The following AGPAT2 variants were observed in gnomAD, a reference collection of about 807,000 sequenced individuals.
AGPAT2 encodes the protein 1-acyl-sn-glycerol-3-phosphate acyltransferase beta.
Under a neutral mutation model 26.1 loss-of-function variants are expected in AGPAT2, and 18 were observed. The ratio of observed to expected loss-of-function variants is 0.69; its 90% CI spans 0.48 to 1.02. The LOEUF (loss-of-function observed/expected upper bound fraction) is 1.02. Among genes scored for constraint, AGPAT2 ranks in the 50% least tolerant of loss-of-function variants. The pLI is 0.00. For missense variants in AGPAT2, 415 were observed against 394.9 expected (o/e 1.05, Z -0.43); for synonymous variants, 200 against 174.2 (o/e 1.15, Z -1.16).
At chr9:136,677,648 G>A (rs565625031) in intron 1 of AGPAT2, 92 bp from the exon 2 acceptor site, 11 of 1,506,630 alleles carry the variant, frequency 7.3e-6, no homozygotes, top group African/African-American at 6.9e-5. Context: ...GGAGGAGGCT[G>A]GGGAGGGGCC....
Position 136,673,530 on chromosome 9 carries a change from G to A in AGPAT2, c.*222C>T. The stretch of plus-strand genomic sequence containing the variant: ...AGAGGTGCCGTGGGCGCGAGTCCCT[G>A]CCCTCGAGCCCGGGGAGGGTCCAGC... On this transcript the variant is annotated 3_prime_UTR_variant, in exon 6 of 6. Transcript: ENST00000371696. 3 of 441,470 alleles carry A rather than the reference G, an allele frequency of 6.8e-6. No homozygotes were observed. Among genetic ancestry groups the A allele is most frequent in the South Asian group, 6.3e-5 (1 of 15,896 alleles). 27.3% of individuals were successfully genotyped at this position (441,470 alleles called of 1,614,324 possible). A position where few individuals can be genotyped will look rare whatever the true frequency, so the allele number is the denominator to read the frequency against.
rs532590133 is a variant in AGPAT2, at chr9:136,677,701, G to A, written c.183-145C>T. The A allele has an allele frequency of 4.5e-5, 45 of 992,758 alleles. No individual in the cohort carries two copies. The South Asian group carries it at 5.3e-4, about 12-fold the overall frequency. 61.5% of individuals were successfully genotyped at this position (992,758 alleles called of 1,614,324 possible). A position where few individuals can be genotyped will look rare whatever the true frequency, so the allele number is the denominator to read the frequency against. On this transcript the variant is annotated intron_variant, in intron 1 of 5. Transcript: ENST00000371696. ...GAGACCGGGAGACACAGGGGAGGGA[G>A]CCCCTGAAGCGGACAGAGTCCCGGG...
intron 1 of AGPAT2, among the ~76,000 whole-genome samples, chr9:136,681,495 C>T (rs1319999131): frequency 6.6e-6 from 1 of 152,238 alleles, no homozygotes; most frequent in Non-Finnish European, 1.5e-5. Flanking sequence ...GTGGGAAAGT[C>T]TAGACTCACT....
rs1480049326 is a variant in AGPAT2 at position 136,687,181 on chromosome 9, G to A, written c.177C>T (p.Asn59=). Residue 59 remains asparagine, a synonymous_variant, in exon 1 of 6, where the codon AAC becomes AAT. Coordinates refer to ENST00000371696, the MANE Select transcript of AGPAT2 (RefSeq NM_006412.4). The part of the protein sequence containing the change: ...LLRHGGRTVE[N]MSIIGWFVRS... ...CCGGCGGCCCCCGGCCTTGCCTCAT[G>A]TTCTCCACCGTCCGGCCGCCGTGGC... The A allele has an allele frequency of 6.3e-7, 1 of 1,589,056 alleles. No individual in the cohort carries two copies. Among genetic ancestry groups the A allele is most frequent in the Admixed American group, 1.7e-5 (1 of 58,624 alleles).
At chr9:136,683,818 A>G (rs778770195) in intron 1 of AGPAT2, among the ~76,000 whole-genome samples, 11 of 152,184 alleles carry the variant, frequency 7.2e-5, no homozygotes, top group Non-Finnish European at 1.3e-4. Context: ...CTAAGACCCC[A>G]GTGCTGTGGT....
chr9:136,682,027 C>T (rs1235488083), intron 1 of AGPAT2, among the ~76,000 whole-genome samples: 1 of 152,172 alleles, frequency 6.6e-6, no homozygotes, highest in Non-Finnish European at 1.5e-5. Flanking sequence ...GATCATAACC[C>T]CCCTCTTCAG....
At position 136,673,916 on chromosome 9, in the gene AGPAT2, C is replaced by G; in HGVS notation, c.673G>C (p.Val225Leu). 1 of 1,578,932 alleles carries G rather than the reference C, an allele frequency of 6.3e-7. No individual in the cohort carries two copies. The highest frequency in any genetic ancestry group is 8.6e-7 in the Non-Finnish European group (1 of 1,162,012). ...KKFFTSGTVTVQVLEAIPTSG... is the reference protein window; with the variant it reads ...KKFFTSGTVTLQVLEAIPTSG... Reference sequence around the variant, plus strand: ...GTGGGGATGGCTTCCAGCACCTGCACTGTGACTGTTCCTGTGGGGGAAGCA... The same window carrying G: ...GTGGGGATGGCTTCCAGCACCTGCAGTGTGACTGTTCCTGTGGGGGAAGCA... Residue 225 changes from valine to leucine, a missense_variant, in exon 6 of 6, where the codon GTG becomes CTG. Coordinates refer to ENST00000371696, the MANE Select transcript of AGPAT2 (RefSeq NM_006412.4).
chr9:136,673,968 TG>T, intron 5 of AGPAT2, 41 bp from the exon 6 acceptor site: 8 of 1,457,200 alleles, frequency 5.5e-6, no homozygotes, highest in Non-Finnish European at 7.3e-6. Context: ...TGTGGGGAGC[TG>T]GGGCCCACCT....
intron 4 of AGPAT2, among the ~76,000 whole-genome samples, chr9:136,675,948 C>T (rs1846084990): frequency 6.6e-6 from 1 of 152,170 alleles, no homozygotes; most frequent in Admixed American, 6.5e-5. Context: ...GAGACCCCTG[C>T]CCTGAGCGAG....
intron 4 of AGPAT2, 42 bp downstream of exon 4, chr9:136,676,543 C>T (rs41314461): frequency 0.019 from 29,044 of 1,553,066 alleles, 343 homozygotes; most frequent in Non-Finnish European, 0.023. Flanking sequence ...GACCCCGCCT[C>T]CCCAGCCTGC....
At position 136,684,820 on chromosome 9, in the gene AGPAT2, C is replaced by T. The variant is rs142713598; in HGVS notation, c.182+2356G>A. Among the ~76,000 whole-genome samples, 1,440 of 152,316 alleles carry T rather than the reference C, an allele frequency of 9.5e-3. 28 individuals are homozygous for T. The highest frequency in any genetic ancestry group is 0.033 in the African/African-American group (1,383 of 41,566). On this transcript the variant is annotated intron_variant, in intron 1 of 5. Transcript: ENST00000371696. ...GTCCTTATTTGTAACACAGAGCACA[C>T]GCGAATCCCTGTTCCTGAGGCTGGA...
intron 5 of AGPAT2, 86 bp downstream of exon 5, chr9:136,674,649 G>GGAAATGGGAAC: frequency 9.1e-7 from 1 of 1,093,608 alleles, no homozygotes; most frequent in Non-Finnish European, 1.2e-6. Context: ...GGTGCCACCC[G>GGAAATGGGAAC]GAAATGGGAA....
chr9:136,676,417 G>C (rs567396443), intron 4 of AGPAT2, among the ~76,000 whole-genome samples, 168 bp downstream of exon 4: 3 of 152,222 alleles, frequency 2.0e-5, no homozygotes, highest in Non-Finnish European at 4.4e-5. Context: ...TGGTCGGTCA[G>C]GGGGCAAGTG....
rs1422666929 is a variant in AGPAT2, at chr9:136,687,441, G to A, written c.-84C>T. 1.9e-5 allele frequency: 23 copies of A among 1,197,490 alleles called. No homozygotes were observed. The highest frequency in any genetic ancestry group is 4.2e-5 in the Admixed American group (1 of 23,560). 74.2% of individuals were successfully genotyped at this position (1,197,490 alleles called of 1,614,324 possible). On this transcript the variant is annotated 5_prime_UTR_variant, in exon 1 of 6. Transcript: ENST00000371696. The stretch of plus-strand genomic sequence containing the variant: ...CCCCCGCGCGCTCAGGCCCCTTATT[G>A]CGAGGGCGGCGGGGCTGGGCGGGGC...
rs886063719 is a variant in AGPAT2 at position 136,673,398 on chromosome 9, G to C, written c.*354C>G. 5.0e-6 allele frequency: 1 copy of C among 198,354 alleles called. No homozygotes were observed. Among genetic ancestry groups the C allele is most frequent in the Non-Finnish European group, 1.0e-5 (1 of 98,280 alleles). 12.3% of individuals were successfully genotyped at this position (198,354 alleles called of 1,614,324 possible). A position where few individuals can be genotyped will look rare whatever the true frequency, so the allele number is the denominator to read the frequency against. On this transcript the variant is annotated 3_prime_UTR_variant, in exon 6 of 6. Transcript: ENST00000371696. ...TGAGCAGAGGGCTCGGACAGTGTGCGTCTGGCCTCGGGGTCCTCCCATCTG... is the reference window on the plus strand; with the variant it reads ...TGAGCAGAGGGCTCGGACAGTGTGCCTCTGGCCTCGGGGTCCTCCCATCTG...
At chr9:136,674,004 C>T in intron 5 of AGPAT2, 77 bp from the exon 6 acceptor site, 1 of 1,355,686 alleles carries the variant, frequency 7.4e-7, no homozygotes, top group Non-Finnish European at 9.7e-7. Flanking sequence ...GGCCTCGCCT[C>T]TCCCCAGCCC....
Position 136,677,075 on chromosome 9 carries a change from C to CA in AGPAT2, c.377dup (p.Pro128AlafsTer20), listed in dbSNP as rs387906355. On this transcript the variant is annotated frameshift_variant, in exon 3 of 6. Transcript: ENST00000371696. LOFTEE classifies it high-confidence loss of function. The stretch of plus-strand genomic sequence containing the variant: ...GGTACATGATGAGGCCCACGGGCCC[C>CA]AGGAAGAGCAGCTCCCGCTTGGCGA... 18 of 1,613,116 alleles carry CA rather than the reference C, an allele frequency of 1.1e-5. No homozygotes were observed. In the African/African-American group the frequency reaches 2.3e-4, roughly 20 times the overall value.
rs371597242 is a variant in AGPAT2, at chr9:136,677,107, C to T, written c.346G>A (p.Val116Met). ...GLMEVLPERC[V>M]QIAKRELLFL... ...AGCAGCTCCCGCTTGGCGATCTGCA[C>T]GCAGCGCTCCGGAAGGACCTCCATG... The change falls in exon 3 of 6, where the codon GTG (valine) becomes ATG (methionine). Residue 116 changes from valine (V) to methionine (M), a missense_variant. Physicochemically the swap from Val to Met is conservative, Grantham distance 21. Transcript: ENST00000371696. The T allele has an allele frequency of 2.5e-6, 4 of 1,613,158 alleles. No individual in the cohort carries two copies. The highest frequency in any genetic ancestry group is 1.6e-4 in the Middle Eastern group (1 of 6,062).
chr9:136,685,385 G>T (rs570507709), intron 1 of AGPAT2, among the ~76,000 whole-genome samples: 115 of 152,366 alleles, frequency 7.5e-4, no homozygotes, highest in African/African-American at 2.7e-3. Context: ...AACCCAGCCT[G>T]CCAGGTCCAT....
Sources: allele counts gnomAD v4.1 joint callset (sites outside exome capture counted in the v4.1 genomes callset), GRCh38; gene constraint gnomAD v4.1.1; transcripts MANE v1.5; gene names NCBI Gene and HGNC (gene_info 2026-07-23, HGNC 2026-07-21).